ATF7IP: variants seen among roughly 807,000 people sequenced by gnomAD.
ATF7IP encodes the protein activating transcription factor 7 interacting protein, also known as activating transcription factor 7-interacting protein 1.
In ATF7IP, 23 loss-of-function variants were observed where a neutral mutation model predicts 106.4. The observed-to-expected ratio is 0.22, with a 90% CI of 0.16 to 0.31. The LOEUF is 0.31. Ranked by LOEUF, ATF7IP falls within the 10% of genes least tolerant of loss-of-function variation. ATF7IP has a pLI of 1.00. For missense variants in ATF7IP, 1,334 were observed against 1,524.3 expected (o/e 0.88, Z 2.08); for synonymous variants, 542 against 539.0 (o/e 1.01, Z -0.08).
intron 10 of ATF7IP, among the ~76,000 whole-genome samples, chr12:14,475,336 C>T (rs112509337): frequency 3.0e-4 from 45 of 152,244 alleles, no homozygotes; most frequent in Middle Eastern, 6.8e-3. Flanking sequence ...TTTTTGGTTG[C>T]TGTCATGTGG....
At chr12:14,461,634 T>C (rs1420136512) in intron 9 of ATF7IP, among the ~76,000 whole-genome samples, 1 of 152,186 alleles carries the variant, frequency 6.6e-6, no homozygotes, top group Non-Finnish European at 1.5e-5. Context: ...GTCCTTCTTG[T>C]TTTATCTTTT....
chr12:14,452,070 G>A (rs571698744), intron 6 of ATF7IP, among the ~76,000 whole-genome samples: 1 of 152,118 alleles, frequency 6.6e-6, no homozygotes, highest in South Asian at 2.1e-4. Context: ...GTTACAGCTG[G>A]TGAAAGTACC....
chr12:14,445,107 C>T lies in ATF7IP; in HGVS notation c.1930-1881C>T, dbSNP rs186710367. ...CCTGATTCAAGCAATTCTCCTGCCT[C>T]AGCCTCCCGAAGAGCTGGGACTACA... On this transcript the variant is annotated intron_variant, in intron 5 of 14. Coordinates refer to ENST00000261168, the MANE Select transcript of ATF7IP (RefSeq NM_018179.5). Among the ~76,000 whole-genome samples, 1,345 of 151,206 alleles carry T rather than the reference C, an allele frequency of 8.9e-3. 13 individuals carry two copies. The highest frequency in any genetic ancestry group is 0.026 in the African/African-American group (1,077 of 41,144).
At chr12:14,495,807 C>A (rs78348587) in intron 13 of ATF7IP, among the ~76,000 whole-genome samples, 1,935 of 152,316 alleles carry the variant, frequency 0.013, 18 homozygotes, top group Middle Eastern at 0.02. Flanking sequence ...TTTTGAGTCA[C>A]ACTGCTCCAT....
chr12:14,444,921 T>TG (rs1389925899), intron 5 of ATF7IP, among the ~76,000 whole-genome samples: 14 of 151,816 alleles, frequency 9.2e-5, no homozygotes, highest in Non-Finnish European at 1.5e-4. Context: ...AAGATGATTT[T>TG]GGGGGGGCTT....
intron 13 of ATF7IP, among the ~76,000 whole-genome samples, chr12:14,493,527 G>A (rs1944898548): frequency 6.6e-6 from 1 of 152,214 alleles, no homozygotes; most frequent in African/African-American, 2.4e-5. Flanking sequence ...TGGAAAGGCT[G>A]ATGGCAGCAT....
At chr12:14,374,916 G>GT (rs1431695986) in intron 1 of ATF7IP, among the ~76,000 whole-genome samples, 1 of 151,804 alleles carries the variant, frequency 6.6e-6, no homozygotes. Flanking sequence ...ATAGTTATTT[G>GT]TTTTTTGTGT....
intron 1 of ATF7IP, among the ~76,000 whole-genome samples, chr12:14,395,436 T>C (rs1292813870): frequency 6.6e-6 from 1 of 152,214 alleles, no homozygotes; most frequent in Non-Finnish European, 1.5e-5. Context: ...TTTTTTAAAA[T>C]GTAATTTTCA....
chr12:14,496,103 G>C, intron 13 of ATF7IP, 128 bp from the exon 14 acceptor site: 1 of 639,544 alleles, frequency 1.6e-6, no homozygotes, highest in East Asian at 2.9e-5. Context: ...AGGACCTCTA[G>C]GTTAGAAATA....
intron 1 of ATF7IP, among the ~76,000 whole-genome samples, chr12:14,405,776 A>C (rs566200641): frequency 6.6e-6 from 1 of 152,208 alleles, no homozygotes; most frequent in South Asian, 2.1e-4. Context: ...GGAAGAGAAG[A>C]GGAATAAGAT....
At chr12:14,395,997 TCTA>T (rs764691805) in intron 1 of ATF7IP, among the ~76,000 whole-genome samples, 4 of 152,178 alleles carry the variant, frequency 2.6e-5, no homozygotes, top group Non-Finnish European at 5.9e-5. Flanking sequence ...ATAAAAATAA[TCTA>T]CTACCATTGC....
intron 6 of ATF7IP, among the ~76,000 whole-genome samples, chr12:14,453,891 C>T (rs1943309240): frequency 1.3e-5 from 2 of 152,154 alleles, no homozygotes; most frequent in Non-Finnish European, 2.9e-5. Flanking sequence ...TCCCAAAGTG[C>T]TGGGATTACA....
At chr12:14,409,566 T>C (rs1410399538) in intron 1 of ATF7IP, among the ~76,000 whole-genome samples, 1 of 152,152 alleles carries the variant, frequency 6.6e-6, no homozygotes. Context: ...TTTTTTGTTT[T>C]TAAATATCTT....
rs1181811077 is a variant in ATF7IP, at chr12:14,454,602, T to C, written c.1996-1959T>C. Among the ~76,000 whole-genome samples, 3 of 152,296 alleles carry C rather than the reference T, an allele frequency of 2.0e-5. No homozygotes were observed. In the East Asian group the frequency reaches 5.8e-4, roughly 29 times the overall value. On this transcript the variant is annotated intron_variant, in intron 6 of 14. Transcript: ENST00000261168. ...CAATGTATTTTCCTAACTGTTCCAG[T>C]GTGCCTCTTTTTGGCCTTGTGCTCA...
chr12:14,472,622 C>G (rs1227523025), intron 10 of ATF7IP, among the ~76,000 whole-genome samples: 1 of 152,160 alleles, frequency 6.6e-6, no homozygotes, highest in Admixed American at 6.6e-5. Flanking sequence ...CACTCAGTCT[C>G]CTTCCTTTTT....
intron 13 of ATF7IP, among the ~76,000 whole-genome samples, chr12:14,492,190 T>C (rs1005135126): frequency 1.1e-4 from 16 of 152,176 alleles, no homozygotes; most frequent in African/African-American, 3.9e-4. Flanking sequence ...GGATCCACTG[T>C]AAGTCAGACC....
At chr12:14,431,689 C>T (rs1310409530) in intron 2 of ATF7IP, among the ~76,000 whole-genome samples, 6 of 151,952 alleles carry the variant, frequency 3.9e-5, no homozygotes, top group African/African-American at 9.7e-5. Context: ...CCACCACACC[C>T]GGCAGTAAAA....
intron 1 of ATF7IP, among the ~76,000 whole-genome samples, chr12:14,401,623 T>C (rs1940203315): frequency 6.6e-6 from 1 of 152,044 alleles, no homozygotes; most frequent in Admixed American, 6.5e-5. Flanking sequence ...CTTTGTTATA[T>C]GCTGTCACAT....
chr12:14,449,137 T>C (rs190921846), intron 6 of ATF7IP, among the ~76,000 whole-genome samples: 1 of 152,316 alleles, frequency 6.6e-6, no homozygotes, highest in African/African-American at 2.4e-5. Context: ...ACAGAAGTTA[T>C]TAAGTTTGAT....
Sources: gnomAD v4.1 joint callset for allele counts (sites outside exome capture counted in the v4.1 genomes callset) on GRCh38, gnomAD v4.1.1 for gene constraint, MANE v1.5 for transcripts, NCBI Gene and HGNC (gene_info 2026-07-23, HGNC 2026-07-21) for gene names.